MAPK10: variants seen among roughly 807,000 people sequenced by gnomAD.
MAPK10 encodes mitogen-activated protein kinase 10, also known as JNK3 alpha protein kinase.
In MAPK10, 25 loss-of-function variants were observed where a neutral mutation model predicts 59.3. The observed-to-expected ratio is 0.42, with a 90% confidence interval of 0.31 to 0.59. The LOEUF is 0.59. Ranked by LOEUF, MAPK10 falls within the 20% of genes least tolerant of loss-of-function variation. The pLI is 0.15. For missense variants in MAPK10, 351 were observed against 568.9 expected, an observed-to-expected ratio of 0.62 and a Z score of 3.90; for synonymous variants, 190 against 200.5, an observed-to-expected ratio of 0.95 and a Z score of 0.44.
intron 1 of MAPK10, among the ~76,000 whole-genome samples, chr4:86,591,799 G>A (rs572548383): frequency 6.6e-6 from 1 of 152,142 alleles, no homozygotes; most frequent in East Asian, 1.9e-4. Flanking sequence ...CTTATTTACA[G>A]TACTTAATTT....
intron 2 of MAPK10, among the ~76,000 whole-genome samples, chr4:86,287,121 C>A (rs997079116): frequency 1.4e-4 from 22 of 151,964 alleles, no homozygotes; most frequent in Non-Finnish European, 1.2e-4. Flanking sequence ...TTTACCCAGC[C>A]GGGTAAGGAA....
chr4:86,441,325 T>C (rs1749401836), intron 1 of MAPK10, among the ~76,000 whole-genome samples: 2 of 152,236 alleles, frequency 1.3e-5, no homozygotes, highest in South Asian at 2.1e-4. Context: ...TGCCCCAGAA[T>C]TGCTAAAATA....
chr4:86,070,276 G>C (rs954626223), intron 9 of MAPK10, among the ~76,000 whole-genome samples: 1 of 150,492 alleles, frequency 6.6e-6, no homozygotes, highest in African/African-American at 2.4e-5. Context: ...GTAAGTACTT[G>C]TTTTCTAGAT....
chr4:86,307,242 C>T (rs2095585376), intron 2 of MAPK10, among the ~76,000 whole-genome samples: 1 of 152,140 alleles, frequency 6.6e-6, no homozygotes, highest in Non-Finnish European at 1.5e-5. Flanking sequence ...ACTCCATGGG[C>T]TCACATTGCA....
chr4:86,261,458 A>G (rs543235781), intron 2 of MAPK10, among the ~76,000 whole-genome samples: 12 of 152,308 alleles, frequency 7.9e-5, no homozygotes, highest in African/African-American at 2.6e-4. Context: ...CCTAATTAGA[A>G]GCATAATGTG....
intron 9 of MAPK10, among the ~76,000 whole-genome samples, chr4:86,086,299 TAA>T (rs2149040423): frequency 6.6e-6 from 1 of 151,994 alleles, no homozygotes; most frequent in Non-Finnish European, 1.5e-5. Context: ...ACGGCTAAAA[TAA>T]AAAGTTAGAA....
chr4:86,476,682 C>G (rs1487036080), intron 1 of MAPK10, among the ~76,000 whole-genome samples: 1 of 152,162 alleles, frequency 6.6e-6, no homozygotes, highest in Non-Finnish European at 1.5e-5. Context: ...ATTAACCTCA[C>G]CTTTAAGGTG....
chr4:86,419,096 A>G (rs2904105), intron 1 of MAPK10, among the ~76,000 whole-genome samples: 25,507 of 152,128 alleles, frequency 0.17, 2,332 homozygotes, highest in South Asian at 0.28. Flanking sequence ...ATCACCACTA[A>G]AGAACTTATT....
intron 2 of MAPK10, among the ~76,000 whole-genome samples, chr4:86,235,922 C>G (rs140464649): frequency 3.2e-4 from 48 of 152,250 alleles, no homozygotes; most frequent in African/African-American, 1.1e-3. Flanking sequence ...TTCCTGGGAT[C>G]GAAAGTCCAA....
chr4:86,377,641 C>T (rs1056997153), intron 1 of MAPK10, among the ~76,000 whole-genome samples: 3 of 152,110 alleles, frequency 2.0e-5, no homozygotes, highest in African/African-American at 4.8e-5. Flanking sequence ...CTGAATGAAT[C>T]GGTGAATCAC....
chr4:86,572,667 G>A (rs1761553138), intron 1 of MAPK10, among the ~76,000 whole-genome samples: 1 of 152,168 alleles, frequency 6.6e-6, no homozygotes, highest in Non-Finnish European at 1.5e-5. Context: ...ACTCTTTTGA[G>A]CATGAGGCCC....
intron 1 of MAPK10, among the ~76,000 whole-genome samples, chr4:86,550,436 C>T (rs1211373071): frequency 7.3e-6 from 1 of 137,332 alleles, no homozygotes; most frequent in Non-Finnish European, 1.5e-5. Context: ...CAGTGGCTTA[C>T]GCCTGTAATC....
At chr4:86,506,529 A>G (rs1755751635) in intron 1 of MAPK10, among the ~76,000 whole-genome samples, 1 of 152,166 alleles carries the variant, frequency 6.6e-6, no homozygotes, top group Non-Finnish European at 1.5e-5. Flanking sequence ...ACTAAAAGAT[A>G]GCACTTAGTT....
At chr4:86,326,918 C>A (rs1000312305) in intron 2 of MAPK10, 1 of 152,140 alleles carries the variant, frequency 6.6e-6, no homozygotes, top group Non-Finnish European at 1.5e-5. Flanking sequence ...ACTTTAAGAG[C>A]CTCTTTATAT....
chr4:86,480,526 ACAC>A (rs1245236465), intron 1 of MAPK10, among the ~76,000 whole-genome samples: 1 of 152,174 alleles, frequency 6.6e-6, no homozygotes, highest in African/African-American at 2.4e-5. Flanking sequence ...AGTGAAATGA[ACAC>A]CTTTTGACAG....
intron 1 of MAPK10, among the ~76,000 whole-genome samples, chr4:86,573,299 A>G (rs1338655746): frequency 6.6e-6 from 1 of 152,148 alleles, no homozygotes; most frequent in Non-Finnish European, 1.5e-5. Context: ...ATTTCTTTAT[A>G]TGGTGGAGAT....
intron 4 of MAPK10, among the ~76,000 whole-genome samples, chr4:86,126,939 CTCTAAT>C (rs748326673): frequency 2.0e-5 from 3 of 151,982 alleles, no homozygotes; most frequent in Non-Finnish European, 2.9e-5. Context: ...AACCACTTCA[CTCTAAT>C]TCTATTTCCA....
chr4:86,590,684 G>A (rs1762977598), intron 1 of MAPK10, among the ~76,000 whole-genome samples: 1 of 152,084 alleles, frequency 6.6e-6, no homozygotes. Context: ...TACTTGGGAG[G>A]CTGAGGCAGG....
Position 86,372,564 on chromosome 4 carries a change from G to GAAAGAAAAGAAAAGAAAAGAAAAGA in MAPK10, c.-121-17945_-121-17921dup, listed in dbSNP as rs1554253765. Reference sequence around the variant, plus strand: ...AGAAAGAAAGAAAGAAAGAAAGAAAGAAAGAAAAGAAAAGAAAAGAAAAGA... The same window carrying GAAAGAAAAGAAAAGAAAAGAAAAGA: ...AGAAAGAAAGAAAGAAAGAAAGAAAGAAAGAAAAGAAAAGAAAAGAAAAGAAAAGAAAAGAAAAGAAAAGAAAAGA... On this transcript the variant is annotated intron_variant, in intron 1 of 13. Transcript: ENST00000361569. Among the ~76,000 whole-genome samples the GAAAGAAAAGAAAAGAAAAGAAAAGA allele has an allele frequency of 2.3e-3, 182 of 78,622 alleles. 5 individuals are homozygous for GAAAGAAAAGAAAAGAAAAGAAAAGA. The highest frequency in any genetic ancestry group is 7.2e-3 in the African/African-American group (163 of 22,500). 51.6% of individuals were successfully genotyped at this position (78,622 alleles called of 152,430 possible).
Sources: gnomAD v4.1 joint callset for allele counts (sites outside exome capture counted in the v4.1 genomes callset) on GRCh38, gnomAD v4.1.1 for gene constraint, MANE v1.5 for transcripts, NCBI Gene and HGNC (gene_info 2026-07-23, HGNC 2026-07-21) for gene names.